PKIA: variants seen among roughly 807,000 people sequenced by gnomAD.
PKIA encodes PKI-alpha.
PKIA carries 4 observed loss-of-function variants against 7.6 expected under a neutral mutation model. The ratio of observed to expected loss-of-function variants is 0.52; its 90% confidence interval spans 0.26 to 1.20. The LOEUF (loss-of-function observed/expected upper bound fraction) is 1.20. Among genes scored for constraint, PKIA ranks in the 50% most tolerant of loss-of-function variants. The pLI is 0.13. For synonymous variants in PKIA, 21 were observed against 30.7 expected, an observed-to-expected ratio of 0.68 and a Z score of 1.04; for missense variants, 73 against 86.2, an observed-to-expected ratio of 0.85 and a Z score of 0.61.
intron 2 of PKIA, among the ~76,000 whole-genome samples, chr8:78,592,667 A>G (rs1808129752): frequency 6.6e-6 from 1 of 152,184 alleles, no homozygotes; most frequent in African/African-American, 2.4e-5. Context: ...ATGAAAATTC[A>G]AAGTAAGTTG....
intron 1 of PKIA, among the ~76,000 whole-genome samples, chr8:78,557,608 CTG>C: frequency 6.6e-6 from 1 of 152,238 alleles, no homozygotes; most frequent in South Asian, 2.1e-4. Context: ...TGGCTGTCAG[CTG>C]CTAGGGGAGT....
At chr8:78,534,973 T>G (rs530646322) in intron 1 of PKIA, 3 of 152,264 alleles carry the variant, frequency 2.0e-5, no homozygotes, top group East Asian at 3.9e-4. Context: ...AAAGTTTCCC[T>G]GCCAAGAAAT....
At chr8:78,582,760 C>A (rs1343420883) in intron 2 of PKIA, among the ~76,000 whole-genome samples, 4 of 152,042 alleles carry the variant, frequency 2.6e-5, no homozygotes. Flanking sequence ...TAAGAAAAAA[C>A]AGATCATAAG....
At chr8:78,549,115 G>T (rs574928877) in intron 1 of PKIA, among the ~76,000 whole-genome samples, 11 of 152,024 alleles carry the variant, frequency 7.2e-5, no homozygotes, top group African/African-American at 2.4e-4. Flanking sequence ...AGCTGCACTG[G>T]GTATATGTAT....
chr8:78,576,468 T>C (rs1807675659), intron 2 of PKIA, among the ~76,000 whole-genome samples: 1 of 152,066 alleles, frequency 6.6e-6, no homozygotes, highest in East Asian at 1.9e-4. Flanking sequence ...GTAAAAAGTT[T>C]TTAAATGTTG....
At chr8:78,564,308 T>G (rs1428694084) in intron 1 of PKIA, among the ~76,000 whole-genome samples, 2 of 152,046 alleles carry the variant, frequency 1.3e-5, no homozygotes, top group Non-Finnish European at 2.9e-5. Flanking sequence ...AATACAGATG[T>G]GCCCTGTCAC....
At position 78,602,728 on chromosome 8, in the gene PKIA, A is replaced by C. The variant is rs569294604; in HGVS notation, c.*907A>C. Reference sequence around the variant, plus strand: ...ATATATATATATTTTAATTTATGAGAATTTTGGACAATTGGAAAGGTAGAA... The same window carrying C: ...ATATATATATATTTTAATTTATGAGCATTTTGGACAATTGGAAAGGTAGAA... On this transcript the variant is annotated 3_prime_UTR_variant, in exon 4 of 4. Transcript: ENST00000396418. 9.1e-4 allele frequency: 121 copies of C among 133,618 alleles called. No homozygotes were observed. The highest frequency in any genetic ancestry group is 3.5e-3 in the African/African-American group (116 of 33,162). 8.3% of individuals were successfully genotyped at this position (133,618 alleles called of 1,614,324 possible). A position where few individuals can be genotyped will look rare whatever the true frequency, so the allele number is the denominator to read the frequency against.
intron 1 of PKIA, among the ~76,000 whole-genome samples, chr8:78,540,700 T>G: frequency 6.6e-6 from 1 of 151,762 alleles, no homozygotes; most frequent in East Asian, 1.9e-4. Flanking sequence ...GGTTTTCCTT[T>G]TTTCGCAAAT....
At chr8:78,522,205 G>C (rs1224371018) in intron 1 of PKIA, among the ~76,000 whole-genome samples, 2 of 151,852 alleles carry the variant, frequency 1.3e-5, no homozygotes, top group African/African-American at 4.8e-5. Flanking sequence ...TTCCATAGAT[G>C]TCAAGTAATA....
At chr8:78,537,595 C>G (rs1428583834) in intron 1 of PKIA, among the ~76,000 whole-genome samples, 1 of 149,360 alleles carries the variant, frequency 6.7e-6, no homozygotes, top group Non-Finnish European at 1.5e-5. Context: ...CGTCCCACCC[C>G]CCACCGCCAA....
intron 2 of PKIA, among the ~76,000 whole-genome samples, chr8:78,589,993 A>G (rs1186453444): frequency 6.6e-6 from 1 of 152,226 alleles, no homozygotes; most frequent in Admixed American, 6.5e-5. Context: ...GACATTTGGC[A>G]GAAATTTTCT....
intron 1 of PKIA, among the ~76,000 whole-genome samples, chr8:78,566,223 A>G (rs1457730791): frequency 6.6e-6 from 1 of 152,126 alleles, no homozygotes; most frequent in Non-Finnish European, 1.5e-5. Context: ...ATTTGGTACC[A>G]ACAAAAATCA....
chr8:78,598,644 A>G (rs1808283670), intron 3 of PKIA, 109 bp downstream of exon 3: 2 of 815,072 alleles, frequency 2.5e-6, no homozygotes, highest in Non-Finnish European at 4.0e-6. Flanking sequence ...TAATGTAAAG[A>G]GTTTTAAACA....
In PKIA at chr8:78,603,576, A is replaced by C. The variant is rs1049355855; in HGVS notation, c.*1755A>C. 6.6e-6 allele frequency: 1 copy of C among 151,970 alleles called. No homozygotes were observed. Among genetic ancestry groups the C allele is most frequent in the Non-Finnish European group, 1.5e-5 (1 of 67,946 alleles). The allele number at this position is 151,970 out of a possible 1,614,324, so 9.4% of individuals were successfully genotyped here. On this transcript the variant is annotated 3_prime_UTR_variant, in exon 4 of 4. Transcript: ENST00000396418. Reference sequence around the variant, plus strand: ...ATTTTAGAATGCTTCCTTCTGTCTAATCCATCAGGGGCCAAAATGCCCAGT... The same window carrying C: ...ATTTTAGAATGCTTCCTTCTGTCTACTCCATCAGGGGCCAAAATGCCCAGT...
At chr8:78,542,404 CAT>C (rs1471001734) in intron 1 of PKIA, among the ~76,000 whole-genome samples, 8 of 152,224 alleles carry the variant, frequency 5.3e-5, no homozygotes, top group Admixed American at 1.3e-4. Flanking sequence ...CTCATAACTT[CAT>C]ATGTCATCCA....
intron 1 of PKIA, among the ~76,000 whole-genome samples, chr8:78,528,420 C>G (rs1322650488): frequency 6.6e-6 from 1 of 151,964 alleles, no homozygotes; most frequent in Non-Finnish European, 1.5e-5. Flanking sequence ...CTGATTAGCT[C>G]TACAGTTCAA....
intron 1 of PKIA, among the ~76,000 whole-genome samples, chr8:78,521,577 C>T (rs1809417711): frequency 6.6e-6 from 1 of 151,820 alleles, no homozygotes; most frequent in South Asian, 2.1e-4. Flanking sequence ...ACCTTCTTTA[C>T]ATTTCCCAAA....
chr8:78,590,506 T>C (rs533460150), intron 2 of PKIA, among the ~76,000 whole-genome samples: 1 of 152,246 alleles, frequency 6.6e-6, no homozygotes, highest in South Asian at 2.1e-4. Context: ...GATTCTCTTA[T>C]GTACTTCAAC....
At chr8:78,552,758 G>C (rs1040120297) in intron 1 of PKIA, among the ~76,000 whole-genome samples, 3 of 151,952 alleles carry the variant, frequency 2.0e-5, no homozygotes, top group Middle Eastern at 3.2e-3. Context: ...TTTATAGCTA[G>C]ACCTAAGTGT....
Sources: gnomAD v4.1 joint callset for allele counts (sites outside exome capture counted in the v4.1 genomes callset) on GRCh38, gnomAD v4.1.1 for gene constraint, MANE v1.5 for transcripts, NCBI Gene and HGNC (gene_info 2026-07-23, HGNC 2026-07-21) for gene names.